ADGRB3: variants seen among roughly 807,000 people sequenced by gnomAD.
The protein encoded by ADGRB3 is adhesion G protein-coupled receptor B3, also known as brain-specific angiogenesis inhibitor 3.
In ADGRB3, 37 loss-of-function variants were observed where a neutral mutation model predicts 193.4. That is an observed-to-expected ratio of 0.19 (90% CI 0.15 to 0.25). ADGRB3 has a LOEUF of 0.25. Ranked by LOEUF, ADGRB3 falls within the 10% of genes least tolerant of loss-of-function variation. The pLI, the probability that ADGRB3 is intolerant of heterozygous loss-of-function variation, is 1.00. For synonymous variants in ADGRB3, 690 were observed against 644.2 expected, an observed-to-expected ratio of 1.07 and a Z score of -1.08; for missense variants, 1,637 against 1,852.9, an observed-to-expected ratio of 0.88 and a Z score of 2.14.
chr6:69,006,947 AG>A (rs1266255293), intron 11 of ADGRB3, among the ~76,000 whole-genome samples: 3 of 151,992 alleles, frequency 2.0e-5, no homozygotes, highest in Non-Finnish European at 1.5e-5. Flanking sequence ...TTGACTGAAA[AG>A]CCTCCAGTTT....
intron 17 of ADGRB3, among the ~76,000 whole-genome samples, chr6:69,078,433 A>G (rs1436526165): frequency 1.3e-5 from 2 of 152,050 alleles, no homozygotes; most frequent in African/African-American, 4.8e-5. Flanking sequence ...GTATTCATTC[A>G]TAGACATTCA....
At chr6:68,913,886 C>T (rs1333079803) in intron 3 of ADGRB3, among the ~76,000 whole-genome samples, 2 of 151,584 alleles carry the variant, frequency 1.3e-5, no homozygotes, top group South Asian at 2.1e-4. Context: ...TCAAGAACTA[C>T]GTGAAGAATG....
intron 29 of ADGRB3, among the ~76,000 whole-genome samples, chr6:69,369,828 A>G (rs1249637176): frequency 6.6e-6 from 1 of 152,158 alleles, no homozygotes; most frequent in Non-Finnish European, 1.5e-5. Context: ...CTCAACACAG[A>G]TATTTTCTCA....
chr6:68,930,772 A>T (rs1218346842), intron 4 of ADGRB3, 103 bp downstream of exon 4: 8 of 950,736 alleles, frequency 8.4e-6, no homozygotes, highest in Non-Finnish European at 1.2e-5. Context: ...TTTGGAGCTG[A>T]TATTTTTTCG....
intron 3 of ADGRB3, among the ~76,000 whole-genome samples, chr6:68,797,460 C>A (rs528589167): frequency 6.6e-6 from 1 of 151,930 alleles, no homozygotes; most frequent in South Asian, 2.1e-4. Flanking sequence ...TGCTGGCACA[C>A]CTTGAAACCT....
intron 3 of ADGRB3, among the ~76,000 whole-genome samples, chr6:68,733,601 A>G (rs1251120779): frequency 6.6e-6 from 1 of 151,752 alleles, no homozygotes; most frequent in Non-Finnish European, 1.5e-5. Flanking sequence ...TAACCATGTA[A>G]CAAATCTGCA....
intron 10 of ADGRB3, among the ~76,000 whole-genome samples, chr6:68,991,989 A>G (rs879768856): frequency 5.3e-5 from 8 of 152,134 alleles, no homozygotes; most frequent in Non-Finnish European, 1.0e-4. Context: ...TACTTAGGGC[A>G]TAACAACTGA....
chr6:68,997,260 A>G (rs13205005), intron 11 of ADGRB3, among the ~76,000 whole-genome samples: 4,167 of 152,264 alleles, frequency 0.027, 63 homozygotes, highest in Non-Finnish European at 0.033. Flanking sequence ...ATATGTGCAT[A>G]TGCATATACT....
intron 3 of ADGRB3, among the ~76,000 whole-genome samples, chr6:68,788,548 A>G (rs1767026069): frequency 6.6e-6 from 1 of 152,034 alleles, no homozygotes. Context: ...GTTCTTTTAC[A>G]TTTCCTGAGG....
At chr6:69,035,486 A>G (rs1400263553) in intron 13 of ADGRB3, among the ~76,000 whole-genome samples, 3 of 152,170 alleles carry the variant, frequency 2.0e-5, no homozygotes, top group East Asian at 1.9e-4. Context: ...GACTGAAAGT[A>G]TGACTGAAGA....
chr6:69,137,672 C>T (rs1774192451), intron 17 of ADGRB3, among the ~76,000 whole-genome samples: 1 of 152,070 alleles, frequency 6.6e-6, no homozygotes, highest in Non-Finnish European at 1.5e-5. Context: ...TGGCTGGCTC[C>T]TGTAGTCCCA....
chr6:68,947,690 A>T (rs764508278), intron 6 of ADGRB3, among the ~76,000 whole-genome samples: 21 of 152,000 alleles, frequency 1.4e-4, no homozygotes, highest in Non-Finnish European at 2.2e-4. Flanking sequence ...TCATCTGTAA[A>T]ATGGGGACAA....
chr6:68,895,220 A>C, intron 3 of ADGRB3, among the ~76,000 whole-genome samples: 1 of 62,866 alleles, frequency 1.6e-5, no homozygotes, highest in East Asian at 2.4e-4. Flanking sequence ...TGCTGAGACT[A>C]ATTTTTTTTT....
At chr6:68,789,514 G>C (rs572423659) in intron 3 of ADGRB3, among the ~76,000 whole-genome samples, 6 of 152,300 alleles carry the variant, frequency 3.9e-5, no homozygotes, top group East Asian at 1.9e-4. Context: ...GAGTTTCTGC[G>C]GAGAGATCAG....
intron 17 of ADGRB3, among the ~76,000 whole-genome samples, chr6:69,081,932 C>T (rs1772398424): frequency 1.3e-5 from 2 of 152,054 alleles, no homozygotes; most frequent in South Asian, 4.1e-4. Flanking sequence ...CATTAGGAAT[C>T]AAATGGCATC....
At chr6:68,959,278 T>G (rs1768167997) in intron 8 of ADGRB3, among the ~76,000 whole-genome samples, 1 of 152,170 alleles carries the variant, frequency 6.6e-6, no homozygotes, top group Non-Finnish European at 1.5e-5. Flanking sequence ...ATTTACACAC[T>G]GACAATATAA....
chr6:69,083,771 CTTT>C (rs35483512), intron 17 of ADGRB3, among the ~76,000 whole-genome samples: 2,040 of 102,264 alleles, frequency 0.02, 10 homozygotes, highest in Non-Finnish European at 0.028. Context: ...TTAACTGTTA[CTTT>C]TTTTTTTTTT....
chr6:69,204,851 C>A (rs1056243107), intron 17 of ADGRB3, among the ~76,000 whole-genome samples: 6 of 151,884 alleles, frequency 4.0e-5, no homozygotes, highest in Non-Finnish European at 8.8e-5. Context: ...TATTTTATAA[C>A]CCCAATATGA....
intron 3 of ADGRB3, among the ~76,000 whole-genome samples, chr6:68,704,220 T>C (rs932557205): frequency 6.6e-6 from 1 of 152,220 alleles, no homozygotes; most frequent in Non-Finnish European, 1.5e-5. Flanking sequence ...CATGATGTTA[T>C]TGAAGCATCT....
Sources: allele counts gnomAD v4.1 joint callset (sites outside exome capture counted in the v4.1 genomes callset), GRCh38; gene constraint gnomAD v4.1.1; transcripts MANE v1.5; gene names NCBI Gene and HGNC (gene_info 2026-07-23, HGNC 2026-07-21).